GLIS3: variants seen among roughly 807,000 people sequenced by gnomAD.
GLIS3 encodes zinc finger protein GLIS3.
Under a neutral mutation model 78.6 loss-of-function variants are expected in GLIS3, and 53 were observed. The observed-to-expected ratio is 0.67, with a 90% confidence interval of 0.54 to 0.85. GLIS3 has a LOEUF of 0.85. Among genes scored for constraint, GLIS3 ranks in the 40% least tolerant of loss-of-function variants. GLIS3 has a pLI of 0.00. For synonymous variants in GLIS3, 684 were observed against 509.9 expected (o/e 1.34, Z -4.60); for missense variants, 1,703 against 1,231.1 (o/e 1.38, Z -5.74).
intron 9 of GLIS3, among the ~76,000 whole-genome samples, chr9:3,851,707 G>A (rs868189234): frequency 5.1e-4 from 78 of 152,280 alleles, no homozygotes; most frequent in African/African-American, 1.7e-3. Flanking sequence ...GAAGACCAAA[G>A]CCCCTCTGAC....
chr9:4,290,040 A>G (rs1190007102), intron 1 of GLIS3, among the ~76,000 whole-genome samples: 2 of 152,276 alleles, frequency 1.3e-5, no homozygotes, highest in Middle Eastern at 3.4e-3. Flanking sequence ...AAAAGATTAA[A>G]CAAACGAAAA....
chr9:4,289,956 C>A (rs776998653), intron 1 of GLIS3, among the ~76,000 whole-genome samples: 1 of 152,062 alleles, frequency 6.6e-6, no homozygotes, highest in Admixed American at 6.5e-5. Flanking sequence ...TCTGAAAATG[C>A]GTGACTTTAA....
At chr9:4,397,690 GAGGGAGGGAGGGAGGA>G in the GLIS3 span, among the ~76,000 whole-genome samples, 1 of 9,958 alleles carries the variant, frequency 1.0e-4, no homozygotes, top group African/African-American at 1.6e-4. Context: ...GGGAGGGAGG[GAGGGAGGGAGGGAGGA>G]AGGCAGGGAG....
At chr9:4,418,465 A>G in the GLIS3 span, among the ~76,000 whole-genome samples, 2 of 152,230 alleles carry the variant, frequency 1.3e-5, no homozygotes, top group Admixed American at 6.5e-5. Context: ...TGCAAAGACT[A>G]GAACAGAAAT....
chr9:4,029,141 C>G (rs1381058119), intron 4 of GLIS3, among the ~76,000 whole-genome samples: 1 of 152,138 alleles, frequency 6.6e-6, no homozygotes, highest in East Asian at 1.9e-4. Context: ...ACATTTAAGT[C>G]TTACTGATAG....
intron 2 of GLIS3, among the ~76,000 whole-genome samples, chr9:4,185,405 T>C (rs1017586427): frequency 6.6e-6 from 1 of 152,346 alleles, no homozygotes; most frequent in South Asian, 2.1e-4. Flanking sequence ...TAAAGAATGC[T>C]GCCATGAACA....
chr9:4,277,723 C>A (rs550760590), intron 2 of GLIS3, among the ~76,000 whole-genome samples: 14 of 152,288 alleles, frequency 9.2e-5, no homozygotes, highest in African/African-American at 3.4e-4. Context: ...ATTATATATT[C>A]CTCCGGGTAC....
intron 2 of GLIS3, among the ~76,000 whole-genome samples, chr9:4,333,510 G>C (rs945063286): frequency 1.3e-5 from 2 of 152,196 alleles, no homozygotes; most frequent in Non-Finnish European, 2.9e-5. Context: ...GGTTAAGAGT[G>C]ACAGAACAAG....
intron 2 of GLIS3, among the ~76,000 whole-genome samples, chr9:4,179,540 C>A (rs1817109163): frequency 6.6e-6 from 1 of 152,028 alleles, no homozygotes; most frequent in Non-Finnish European, 1.5e-5. Context: ...ATTTATTAAG[C>A]CTCTCTAGTT....
intron 2 of GLIS3, among the ~76,000 whole-genome samples, chr9:4,237,951 C>T (rs1235728336): frequency 1.3e-5 from 2 of 152,184 alleles, no homozygotes; most frequent in Non-Finnish European, 2.9e-5. Context: ...GAATCCTTTC[C>T]ATGTTCCCCT....
intron 2 of GLIS3, among the ~76,000 whole-genome samples, chr9:4,192,208 C>A (rs1200388583): frequency 1.3e-5 from 2 of 152,180 alleles, no homozygotes; most frequent in Non-Finnish European, 2.9e-5. Flanking sequence ...CCACACTAAG[C>A]CTTTACCAGC....
chr9:4,068,472 GA>G, intron 4 of GLIS3, among the ~76,000 whole-genome samples: 1 of 152,188 alleles, frequency 6.6e-6, no homozygotes, highest in East Asian at 1.9e-4. Flanking sequence ...TGTAGGCAAA[GA>G]AAAAAGGCTA....
At chr9:4,238,179 T>C (rs541105595) in intron 2 of GLIS3, among the ~76,000 whole-genome samples, 9 of 152,178 alleles carry the variant, frequency 5.9e-5, no homozygotes, top group Admixed American at 5.2e-4. Context: ...CCCTGCCCCC[T>C]CCCGCTGCGC....
chr9:4,237,490 G>C (rs777408166), intron 2 of GLIS3, among the ~76,000 whole-genome samples: 2 of 152,144 alleles, frequency 1.3e-5, no homozygotes, highest in East Asian at 1.9e-4. Context: ...GCTACTTCAG[G>C]CTCAGTCTAC....
At chr9:3,848,363 G>A (rs569806864) in intron 9 of GLIS3, among the ~76,000 whole-genome samples, 8 of 152,132 alleles carry the variant, frequency 5.3e-5, no homozygotes, top group East Asian at 1.9e-4. Flanking sequence ...TTAGCTGGGC[G>A]TGGTGGCGCA....
chr9:4,349,000 T>C (rs1181546740), upstream of GLIS3, among the ~76,000 whole-genome samples: 1 of 152,130 alleles, frequency 6.6e-6, no homozygotes, highest in African/African-American at 2.4e-5. Context: ...TTATTTCTAA[T>C]TAGAAAAGAA....
rs187237477 is a variant in GLIS3, at chr9:4,168,211, A to G, written c.389-42270T>C. 1.4e-4 allele frequency among the ~76,000 whole-genome samples: 21 copies of G among 152,200 alleles called. No individual in the cohort carries two copies. The South Asian group carries it at 4.1e-3, about 30-fold the overall frequency. ...CACACACAGACGCACACACACACACATACATACACTTGCCAAAGCTTCAGA... is the reference window on the plus strand; with the variant it reads ...CACACACAGACGCACACACACACACGTACATACACTTGCCAAAGCTTCAGA... On this transcript the variant is annotated intron_variant, in intron 2 of 10. Transcript: ENST00000381971.
intron 9 of GLIS3, among the ~76,000 whole-genome samples, chr9:3,845,822 C>T (rs1819003718): frequency 6.6e-6 from 1 of 152,152 alleles, no homozygotes; most frequent in African/African-American, 2.4e-5. Context: ...CCCATGGGGA[C>T]AGCCCCCAAT....
intron 2 of GLIS3, among the ~76,000 whole-genome samples, chr9:4,214,528 T>C (rs1266295626): frequency 6.6e-6 from 1 of 152,200 alleles, no homozygotes; most frequent in East Asian, 1.9e-4. Context: ...TTTTGGTGTC[T>C]GCCCTCCCCA....
Sources: gnomAD v4.1 joint callset for allele counts (sites outside exome capture counted in the v4.1 genomes callset) on GRCh38, gnomAD v4.1.1 for gene constraint, MANE v1.5 for transcripts, NCBI Gene and HGNC (gene_info 2026-07-23, HGNC 2026-07-21) for gene names.